STIMATE: variants seen among roughly 807,000 people sequenced by gnomAD.
The protein encoded by STIMATE is store-operated calcium entry regulator STIMATE.
Under a neutral mutation model 36.7 loss-of-function variants are expected in STIMATE, and 15 were observed. The ratio of observed to expected loss-of-function variants is 0.41; its 90% confidence interval spans 0.27 to 0.63. The LOEUF is 0.63. Among genes scored for constraint, STIMATE ranks in the 20% least tolerant of loss-of-function variants. The pLI is 0.32. For synonymous variants in STIMATE, 163 were observed against 162.3 expected (o/e 1.00, Z -0.03); for missense variants, 305 against 397.3 (o/e 0.77, Z 1.98).
intron 1 of STIMATE, among the ~76,000 whole-genome samples, chr3:52,870,490 G>C (rs772651424): frequency 9.3e-4 from 141 of 151,906 alleles, no homozygotes; most frequent in Non-Finnish European, 1.9e-3. Context: ...GCTGGTGCTG[G>C]GAGGTGAGCA....
At chr3:52,843,593 G>T in intron 6 of STIMATE, 128 bp downstream of exon 6, 1 of 1,383,642 alleles carries the variant, frequency 7.2e-7, no homozygotes, top group Non-Finnish European at 1.0e-6. Flanking sequence ...GGGGGTGGGA[G>T]AGGTGGCAAA....
intron 4 of STIMATE, chr3:52,846,598 C>T (rs1700908036): frequency 6.6e-6 from 1 of 152,224 alleles, no homozygotes; most frequent in Non-Finnish European, 1.5e-5. Flanking sequence ...TGCTTTTCCT[C>T]CCATACGCCT....
chr3:52,878,286 C>G (rs540243773), intron 1 of STIMATE, among the ~76,000 whole-genome samples: 1 of 148,378 alleles, frequency 6.7e-6, no homozygotes, highest in East Asian at 1.9e-4. Context: ...TGTACCATCT[C>G]TGTTCCCTGG....
chr3:52,857,672 T>A (rs1575332465), intron 1 of STIMATE, among the ~76,000 whole-genome samples: 1 of 151,832 alleles, frequency 6.6e-6, no homozygotes, highest in Non-Finnish European at 1.5e-5. Flanking sequence ...ATTATAATTA[T>A]GTATAATAAA....
chr3:52,888,535 C>T lies in STIMATE; in HGVS notation c.160+8756G>A, dbSNP rs1701730421. On this transcript the variant is annotated intron_variant, in intron 1 of 7. Transcript: ENST00000355083. ...CGGCATGCACCGTGTGGCTGTGTTT[C>T]AACTATTCCTATAGGACAGTGTCTT... Among the ~76,000 whole-genome samples, 3 of 152,244 alleles carry T rather than the reference C, an allele frequency of 2.0e-5. No homozygotes were observed. In the South Asian group the frequency reaches 6.2e-4, roughly 32 times the overall value.
intron 1 of STIMATE, among the ~76,000 whole-genome samples, chr3:52,882,425 C>G (rs1222931918): frequency 6.6e-6 from 1 of 152,180 alleles, no homozygotes; most frequent in Non-Finnish European, 1.5e-5. Flanking sequence ...TGGGGTCCAT[C>G]ATGGAGGTGA....
At chr3:52,874,981 G>C (rs1701475581) in intron 1 of STIMATE, among the ~76,000 whole-genome samples, 1 of 152,168 alleles carries the variant, frequency 6.6e-6, no homozygotes, top group South Asian at 2.1e-4. Flanking sequence ...CTCCTTCTAA[G>C]AGAAAAGCTT....
Position 52,846,833 on chromosome 3 carries a change from A to G in STIMATE, c.428-1892T>C, listed in dbSNP as rs149870015. Among the ~76,000 whole-genome samples, 26 of 152,336 alleles carry G rather than the reference A, an allele frequency of 1.7e-4. No homozygotes were observed. In the East Asian group the frequency reaches 4.6e-3, roughly 27 times the overall value. On this transcript the variant is annotated intron_variant, in intron 4 of 7. Coordinates refer to ENST00000355083, the MANE Select transcript of STIMATE (RefSeq NM_198563.5). ...TTCCTGTTTCACTTGCGAGTCTTTC[A>G]GATGTCCCCCACAGTCTCCTCTTTA...
At chr3:52,847,233 T>C in intron 4 of STIMATE, 2 of 1,145,046 alleles carry the variant, frequency 1.7e-6, no homozygotes, top group African/African-American at 1.6e-5. Flanking sequence ...TGCTTTTTAC[T>C]GCAATGAACA....
rs1188302347 is a variant in STIMATE at position 52,884,345 on chromosome 3, AAGCGATTCTCCTGCCTCAG to A, written c.160+12927_160+12945del. Among the ~76,000 whole-genome samples, 19 of 151,544 alleles carry A rather than the reference AAGCGATTCTCCTGCCTCAG, an allele frequency of 1.3e-4. No individual in the cohort carries two copies. The South Asian group carries it at 3.5e-3, about 28-fold the overall frequency. ...ACTGCAACCTCCGCTTCCCGGGTTC[AAGCGATTCTCCTGCCTCAG>A]CCTCCCGAGTACCTGGGACAACAGG... is the stretch of plus-strand genomic sequence containing the variant. On this transcript the variant is annotated intron_variant, in intron 1 of 7. Coordinates refer to ENST00000355083, the MANE Select transcript of STIMATE (RefSeq NM_198563.5).
chr3:52,849,784 C>T lies in STIMATE; in HGVS notation c.427+8G>A. 6.2e-7 allele frequency: 1 copy of T among 1,611,684 alleles called. No homozygotes were observed. The highest frequency in any genetic ancestry group is 1.3e-5 in the African/African-American group (1 of 75,070). The stretch of plus-strand genomic sequence containing the variant: ...CTCACGCCCTGTCCGGCATCCACAG[C>T]ATATTACCATATTCGCCGAAGCGCA... On this transcript the variant is annotated splice_region_variant and intron_variant, in intron 4 of 7. Transcript: ENST00000355083.
At chr3:52,853,788 C>T (rs536053295) in intron 2 of STIMATE, among the ~76,000 whole-genome samples, 2 of 152,188 alleles carry the variant, frequency 1.3e-5, no homozygotes, top group Non-Finnish European at 1.5e-5. Context: ...AACAAGTACA[C>T]GCTTAATAAT....
chr3:52,866,832 A>G (rs987431776), intron 1 of STIMATE, among the ~76,000 whole-genome samples: 1 of 152,262 alleles, frequency 6.6e-6, no homozygotes, highest in East Asian at 1.9e-4. Context: ...TGGAAGGGAT[A>G]TAATTTCCAG....
At chr3:52,873,931 C>T (rs59094265) in intron 1 of STIMATE, among the ~76,000 whole-genome samples, 4,486 of 152,306 alleles carry the variant, frequency 0.029, 223 homozygotes, top group African/African-American at 0.1. Flanking sequence ...GAATTTCATT[C>T]AATCTCATAG....
chr3:52,877,844 C>T (rs1259718676), intron 1 of STIMATE, among the ~76,000 whole-genome samples: 1 of 152,140 alleles, frequency 6.6e-6, no homozygotes, highest in Non-Finnish European at 1.5e-5. Flanking sequence ...GCCTGTAATC[C>T]CAGCACTTTG....
intron 4 of STIMATE, among the ~76,000 whole-genome samples, chr3:52,846,724 C>T (rs2001732): frequency 0.12 from 17,684 of 152,234 alleles, 1,129 homozygotes; most frequent in Non-Finnish European, 0.14. Context: ...CCTGTGACCC[C>T]GTCTGGCACA....
chr3:52,866,973 G>A (rs983284607), intron 1 of STIMATE, among the ~76,000 whole-genome samples: 2 of 152,252 alleles, frequency 1.3e-5, no homozygotes, highest in African/African-American at 4.8e-5. Flanking sequence ...CCTGTCAGGT[G>A]CAGGGAAAGG....
chr3:52,871,561 G>A (rs1701407894), intron 1 of STIMATE, among the ~76,000 whole-genome samples: 1 of 152,126 alleles, frequency 6.6e-6, no homozygotes, highest in Non-Finnish European at 1.5e-5. Flanking sequence ...CACAAAAGAG[G>A]CTCAGAGCAG....
chr3:52,847,119 A>G, intron 4 of STIMATE: 1 of 675,020 alleles, frequency 1.5e-6, no homozygotes, highest in Non-Finnish European at 1.8e-6. Flanking sequence ...TTTGTTTCCA[A>G]GGCTGGTCTT....
Sources: gnomAD v4.1 joint callset for allele counts (sites outside exome capture counted in the v4.1 genomes callset) on GRCh38, gnomAD v4.1.1 for gene constraint, MANE v1.5 for transcripts, NCBI Gene and HGNC (gene_info 2026-07-23, HGNC 2026-07-21) for gene names.